CTNNA3: variants seen among roughly 807,000 people sequenced by gnomAD.
CTNNA3 encodes the protein catenin alpha-3.
In CTNNA3, 76 loss-of-function variants were observed where a neutral mutation model predicts 95.7. That is an observed-to-expected ratio of 0.79 (90% CI 0.66 to 0.96). CTNNA3 has a LOEUF of 0.96. CTNNA3 is among the 40% of genes least tolerant of loss of function. The pLI is 0.00. For missense variants in CTNNA3, 1,191 were observed against 1,089.8 expected (o/e 1.09, Z -1.31); for synonymous variants, 431 against 374.4 (o/e 1.15, Z -1.74).
At chr10:67,111,441 A>AT (rs1233854195) in intron 7 of CTNNA3, among the ~76,000 whole-genome samples, 1 of 152,018 alleles carries the variant, frequency 6.6e-6, no homozygotes, top group African/African-American at 2.4e-5. Flanking sequence ...ATCCTTTGGC[A>AT]TTTTTCATAA....
At chr10:66,809,452 C>T (rs748836922) in intron 7 of CTNNA3, among the ~76,000 whole-genome samples, 17 of 151,898 alleles carry the variant, frequency 1.1e-4, no homozygotes, top group African/African-American at 4.1e-4. Flanking sequence ...TTTACTTTAA[C>T]GTATTTTTCT....
intron 7 of CTNNA3, among the ~76,000 whole-genome samples, chr10:66,779,838 C>A (rs546872623): frequency 6.6e-6 from 1 of 152,272 alleles, no homozygotes; most frequent in South Asian, 2.1e-4. Context: ...TCTTTATCAT[C>A]TACTATATGC....
At chr10:67,575,264 T>C (rs911742119) in intron 3 of CTNNA3, among the ~76,000 whole-genome samples, 3 of 149,818 alleles carry the variant, frequency 2.0e-5, no homozygotes, top group South Asian at 2.2e-4. Flanking sequence ...TCATAATAAC[T>C]ATTTTGTGAA....
At chr10:66,926,889 G>C in intron 7 of CTNNA3, 1 of 1,520,230 alleles carries the variant, frequency 6.6e-7, no homozygotes, top group East Asian at 2.3e-5. Flanking sequence ...TTTTTTGGGG[G>C]GATAACTTTT....
intron 11 of CTNNA3, among the ~76,000 whole-genome samples, chr10:66,423,728 G>A (rs910067510): frequency 2.0e-5 from 3 of 152,106 alleles, no homozygotes; most frequent in Non-Finnish European, 4.4e-5. Flanking sequence ...AAGCCCTCTT[G>A]CCCTAAACAC....
chr10:66,022,009 C>T (rs1007327338), intron 15 of CTNNA3, among the ~76,000 whole-genome samples: 6 of 151,824 alleles, frequency 4.0e-5, no homozygotes, highest in Admixed American at 2.0e-4. Context: ...TGTGCCACCA[C>T]CCCTGGCCTA....
intron 6 of CTNNA3, among the ~76,000 whole-genome samples, chr10:67,198,423 C>T (rs1354299510): frequency 6.6e-6 from 1 of 151,992 alleles, no homozygotes; most frequent in Non-Finnish European, 1.5e-5. Context: ...AAAGAGGCAG[C>T]TCCAGAGAAT....
At chr10:66,282,684 T>G (rs2091515043) in intron 12 of CTNNA3, among the ~76,000 whole-genome samples, 2 of 150,824 alleles carry the variant, frequency 1.3e-5, no homozygotes. Flanking sequence ...AGGTTCATTT[T>G]AAGTATAATC....
At chr10:67,022,202 A>C (rs1853062400) in intron 7 of CTNNA3, among the ~76,000 whole-genome samples, 1 of 152,182 alleles carries the variant, frequency 6.6e-6, no homozygotes, top group Admixed American at 6.5e-5. Context: ...ATGGAGCAAC[A>C]CTTCCAATAT....
rs116348926 is a variant in CTNNA3 at position 66,123,799 on chromosome 10, C to T, written c.1885-20550G>A. The stretch of plus-strand genomic sequence containing the variant: ...AGGCTTGCAACCTCTGAAGCCATGG[C>T]CCAAGCTCGACATTTGCCCCTTTAT... On this transcript the variant is annotated intron_variant, in intron 13 of 17. Transcript: ENST00000433211. 4.8e-3 allele frequency among the ~76,000 whole-genome samples: 732 copies of T among 152,282 alleles called. 3 individuals carry two copies. The highest frequency in any genetic ancestry group is 0.017 in the African/African-American group (692 of 41,562).
At chr10:67,167,220 GT>G (rs1325883431) in intron 7 of CTNNA3, among the ~76,000 whole-genome samples, 1 of 152,182 alleles carries the variant, frequency 6.6e-6, no homozygotes, top group African/African-American at 2.4e-5. Flanking sequence ...TGCAGTCAAA[GT>G]TTGGCTGCAG....
intron 10 of CTNNA3, among the ~76,000 whole-genome samples, chr10:66,576,205 C>T (rs1160395144): frequency 6.6e-6 from 1 of 152,102 alleles, no homozygotes; most frequent in Non-Finnish European, 1.5e-5. Context: ...CACTGGGGAG[C>T]TTGTTAAGAA....
intron 12 of CTNNA3, among the ~76,000 whole-genome samples, chr10:66,368,987 G>C (rs2092733258): frequency 6.6e-6 from 1 of 152,098 alleles, no homozygotes; most frequent in African/African-American, 2.4e-5. Flanking sequence ...CCCTATATCA[G>C]CAGAGGAATT....
intron 5 of CTNNA3, among the ~76,000 whole-genome samples, chr10:67,230,542 T>C (rs1865143176): frequency 6.6e-6 from 1 of 152,068 alleles, no homozygotes; most frequent in Non-Finnish European, 1.5e-5. Flanking sequence ...CAATCCGTAA[T>C]CTGACAAAGG....
chr10:67,581,138 G>T (rs111829837), intron 3 of CTNNA3, among the ~76,000 whole-genome samples: 4 of 152,004 alleles, frequency 2.6e-5, no homozygotes, highest in African/African-American at 4.8e-5. Context: ...TCTTGTGCTC[G>T]TTTTCAAAGG....
intron 11 of CTNNA3, among the ~76,000 whole-genome samples, chr10:66,391,777 T>G (rs2092935566): frequency 6.6e-6 from 1 of 152,084 alleles, no homozygotes; most frequent in Admixed American, 6.6e-5. Flanking sequence ...TTAGCGCCTC[T>G]CAAAAATAAA....
chr10:66,220,777 C>T (rs1456733715), intron 13 of CTNNA3, among the ~76,000 whole-genome samples: 4 of 152,116 alleles, frequency 2.6e-5, no homozygotes, highest in Non-Finnish European at 5.9e-5. Context: ...ACCATCAAGC[C>T]GTCCCTCTGA....
chr10:65,958,429 C>T (rs559772570), intron 17 of CTNNA3, among the ~76,000 whole-genome samples: 2 of 152,314 alleles, frequency 1.3e-5, no homozygotes, highest in South Asian at 4.1e-4. Context: ...TGTTCCATTG[C>T]TGGTGAGGCG....
chr10:66,035,475 G>A (rs768065785), intron 15 of CTNNA3, among the ~76,000 whole-genome samples: 35 of 150,042 alleles, frequency 2.3e-4, no homozygotes, highest in Non-Finnish European at 4.3e-4. Context: ...AGATTGGGAA[G>A]AAATAGGTCA....
Sources: allele counts gnomAD v4.1 joint callset (sites outside exome capture counted in the v4.1 genomes callset), GRCh38; gene constraint gnomAD v4.1.1; transcripts MANE v1.5; gene names NCBI Gene and HGNC (gene_info 2026-07-23, HGNC 2026-07-21).